CCDC7: variants seen among roughly 807,000 people sequenced by gnomAD.
CCDC7 encodes coiled-coil domain containing 7, also known as coiled-coil domain-containing protein 7.
A neutral mutation model predicts 196.9 loss-of-function variants in CCDC7; 183 were observed. That is an observed-to-expected ratio of 0.93 (90% CI 0.82 to 1.05). The LOEUF (loss-of-function observed/expected upper bound fraction) is 1.05, where lower values mean the gene tolerates loss of function less well. Ranked by LOEUF, CCDC7 falls within the 50% of genes least tolerant of loss-of-function variation. CCDC7 has a pLI of 0.00. For missense variants in CCDC7, 1,540 were observed against 1,482.2 expected, an observed-to-expected ratio of 1.04 and a Z score of -0.64; for synonymous variants, 525 against 484.6, an observed-to-expected ratio of 1.08 and a Z score of -1.10.
intron 11 of CCDC7, among the ~76,000 whole-genome samples, chr10:32,530,512 CA>C (rs1254899649): frequency 6.6e-6 from 1 of 152,140 alleles, no homozygotes; most frequent in Admixed American, 6.5e-5. Flanking sequence ...TTAAACACAA[CA>C]CTGTTTATGT....
At chr10:32,600,862 C>T (rs1176236425) in intron 18 of CCDC7, among the ~76,000 whole-genome samples, 2 of 152,078 alleles carry the variant, frequency 1.3e-5, no homozygotes, top group African/African-American at 4.8e-5. Context: ...ACTTGGTGTG[C>T]TTTGATTTCA....
chr10:32,591,369 T>C (rs1305078383), intron 18 of CCDC7, among the ~76,000 whole-genome samples: 1 of 151,874 alleles, frequency 6.6e-6, no homozygotes, highest in Non-Finnish European at 1.5e-5. Flanking sequence ...ATTCTAGAAT[T>C]AGGGAAAACT....
intron 24 of CCDC7, among the ~76,000 whole-genome samples, chr10:32,700,987 G>T (rs991307915): frequency 6.6e-6 from 1 of 151,996 alleles, no homozygotes; most frequent in Non-Finnish European, 1.5e-5. Flanking sequence ...GACATACAAG[G>T]ATGTCATCTG....
chr10:32,853,753 G>A (rs1237484020), intron 40 of CCDC7, among the ~76,000 whole-genome samples: 2 of 152,046 alleles, frequency 1.3e-5, no homozygotes, highest in African/African-American at 4.8e-5. Context: ...ATGATACAAT[G>A]TTTTATATAG....
At chr10:32,654,825 G>T (rs1159876247) in intron 20 of CCDC7, among the ~76,000 whole-genome samples, 2 of 152,114 alleles carry the variant, frequency 1.3e-5, no homozygotes, top group African/African-American at 4.8e-5. Context: ...TATGTGTTTT[G>T]TCTATTAGAT....
intron 3 of CCDC7, among the ~76,000 whole-genome samples, chr10:32,458,119 G>A (rs549220189): frequency 4.6e-5 from 7 of 152,184 alleles, no homozygotes; most frequent in Admixed American, 1.3e-4. Flanking sequence ...ATGTCCTGAA[G>A]CATTTCCTCT....
At position 32,676,314 on chromosome 10, in the gene CCDC7, G is replaced by A. The variant is rs567626183; in HGVS notation, c.2123-9656G>A. 5.5e-4 allele frequency among the ~76,000 whole-genome samples: 84 copies of A among 151,818 alleles called. No homozygotes were observed. The Middle Eastern group carries it at 0.01, about 18-fold the overall frequency. ...CCATTCAGGACATAGGCATGGGCAC[G>A]GACTTCATGTCTAAAACACCAAAAG... On this transcript the variant is annotated intron_variant, in intron 21 of 41. Transcript: ENST00000639629.
intron 24 of CCDC7, among the ~76,000 whole-genome samples, chr10:32,702,739 T>A (rs1211151687): frequency 6.6e-6 from 1 of 152,218 alleles, no homozygotes; most frequent in Non-Finnish European, 1.5e-5. Flanking sequence ...GATAGTTAGC[T>A]CTTCTTGTTG....
intron 25 of CCDC7, among the ~76,000 whole-genome samples, chr10:32,725,006 T>G (rs1489637500): frequency 6.6e-6 from 1 of 152,044 alleles, no homozygotes; most frequent in Admixed American, 6.6e-5. Context: ...GAACCCATAC[T>G]CCTTAGAATA....
rs1402547872 is a variant in CCDC7 at position 32,490,776 on chromosome 10, C to T, written c.797-1146C>T. Among the ~76,000 whole-genome samples, 16 of 151,460 alleles carry T rather than the reference C, an allele frequency of 1.1e-4. No homozygotes were observed. In the South Asian group the frequency reaches 1.7e-3, roughly 16 times the overall value. On this transcript the variant is annotated intron_variant, in intron 8 of 41. Transcript: ENST00000639629. ...TCGCGCCACTGCACTCCAGCCTGGG[C>T]GACAGAGCGAGACTCCGCCTCAAAA...
At chr10:32,646,056 G>A (rs888848350) in intron 20 of CCDC7, among the ~76,000 whole-genome samples, 1 of 145,458 alleles carries the variant, frequency 6.9e-6, no homozygotes, top group Non-Finnish European at 1.5e-5. Context: ...TTATTAGTTT[G>A]TTCCTTCTAC....
chr10:32,579,810 G>A (rs779869826), intron 16 of CCDC7, among the ~76,000 whole-genome samples: 1 of 151,954 alleles, frequency 6.6e-6, no homozygotes, highest in Non-Finnish European at 1.5e-5. Context: ...TATACGATAT[G>A]GACACTGAGA....
chr10:32,530,253 G>C (rs2049417997), intron 11 of CCDC7, among the ~76,000 whole-genome samples: 1 of 151,990 alleles, frequency 6.6e-6, no homozygotes, highest in Admixed American at 6.6e-5. Context: ...TGGCTATGTG[G>C]GCTCTTTTTT....
chr10:32,798,057 A>G (rs1163686595), intron 29 of CCDC7, among the ~76,000 whole-genome samples: 1 of 152,220 alleles, frequency 6.6e-6, no homozygotes, highest in East Asian at 1.9e-4. Flanking sequence ...GTGGAATACC[A>G]TGATGGTGGA....
At chr10:32,553,421 G>A (rs561774753) in intron 13 of CCDC7, among the ~76,000 whole-genome samples, 17 of 152,108 alleles carry the variant, frequency 1.1e-4, no homozygotes, top group Admixed American at 7.2e-4. Context: ...AGGTAAAGCC[G>A]GGATTTCTTC....
intron 20 of CCDC7, among the ~76,000 whole-genome samples, chr10:32,638,807 A>G (rs2066154090): frequency 6.6e-6 from 1 of 152,184 alleles, no homozygotes; most frequent in Non-Finnish European, 1.5e-5. Flanking sequence ...AAGGAATGGT[A>G]CCAGCTTCTC....
chr10:32,659,084 T>C (rs1315325112), intron 20 of CCDC7, among the ~76,000 whole-genome samples: 2 of 152,176 alleles, frequency 1.3e-5, no homozygotes, highest in Admixed American at 6.5e-5. Flanking sequence ...ACTGTGGACT[T>C]AGTTTGCTCT....
intron 31 of CCDC7, among the ~76,000 whole-genome samples, chr10:32,823,408 G>A (rs1387458503): frequency 6.6e-6 from 1 of 152,140 alleles, no homozygotes; most frequent in Non-Finnish European, 1.5e-5. Flanking sequence ...CCAAAGTGCT[G>A]GGATTACAGG....
intron 18 of CCDC7, among the ~76,000 whole-genome samples, chr10:32,593,790 A>G (rs558066488): frequency 1.3e-5 from 2 of 152,282 alleles, no homozygotes; most frequent in South Asian, 2.1e-4. Context: ...TCCGAGCACC[A>G]TTTATTAAAT....
Sources: allele counts gnomAD v4.1 joint callset (sites outside exome capture counted in the v4.1 genomes callset), GRCh38; gene constraint gnomAD v4.1.1; transcripts MANE v1.5; gene names NCBI Gene and HGNC (gene_info 2026-07-23, HGNC 2026-07-21).